Variants in MLIP observed in about 807,000 individuals in gnomAD.
MLIP encodes the protein muscular LMNA-interacting protein.
MLIP carries 79 observed loss-of-function variants against 84.8 expected under a neutral mutation model. The observed-to-expected ratio is 0.93, with a 90% CI of 0.78 to 1.12. MLIP has a LOEUF of 1.12. Ranked by LOEUF, MLIP falls within the 50% of genes most tolerant of loss-of-function variation. The pLI, the probability that MLIP is intolerant of heterozygous loss-of-function variation, is 0.00. For missense variants in MLIP, 1,257 were observed against 1,160.6 expected, an observed-to-expected ratio of 1.08 and a Z score of -1.21; for synonymous variants, 504 against 463.0, an observed-to-expected ratio of 1.09 and a Z score of -1.14.
At chr6:54,154,071 T>A (rs1226807709) in intron 5 of MLIP, among the ~76,000 whole-genome samples, 1 of 152,106 alleles carries the variant, frequency 6.6e-6, no homozygotes, top group Non-Finnish European at 1.5e-5. Flanking sequence ...TTTAAAAAAA[T>A]TATCAAATTG....
intron 1 of MLIP, chr6:54,083,718 G>T (rs535454550): frequency 1.5e-6 from 2 of 1,321,342 alleles, no homozygotes; most frequent in African/African-American, 1.5e-5. Flanking sequence ...TTCTTATTTC[G>T]TATTGCAGTA....
rs75585866 is a variant in MLIP, at chr6:54,263,269, A to T, written c.2977-2681A>T. Among the ~76,000 whole-genome samples the T allele has an allele frequency of 8.5e-3, 1,298 of 152,178 alleles. 11 individuals carry two copies. The highest frequency in any genetic ancestry group is 0.028 in the African/African-American group (1,168 of 41,542). ...CCAGATTCAACATTTTACTCTTTAGAGTCCATTGTACCTGCATCCTTTATC... is the reference window on the plus strand; with the variant it reads ...CCAGATTCAACATTTTACTCTTTAGTGTCCATTGTACCTGCATCCTTTATC... On this transcript the variant is annotated intron_variant, in intron 13 of 13. Coordinates refer to ENST00000502396, the MANE Select transcript of MLIP (RefSeq NM_001281747.2).
intron 1 of MLIP, among the ~76,000 whole-genome samples, chr6:54,032,151 T>C (rs1764176507): frequency 6.6e-6 from 1 of 152,094 alleles, no homozygotes; most frequent in Non-Finnish European, 1.5e-5. Flanking sequence ...ATTTTTTGCC[T>C]CAAGAATAAC....
rs150589669 is a variant in MLIP at position 54,056,027 on chromosome 6, C to G, written c.63+36936C>G. Among the ~76,000 whole-genome samples the G allele has an allele frequency of 4.9e-3, 748 of 152,228 alleles. 3 individuals carry two copies. The highest frequency in any genetic ancestry group is 0.01 in the Middle Eastern group (3 of 294). ...ATTTTTTTAATATTTTAAAACTTCTCTACGACAACCATATGCCACTTTTAA... is the reference window on the plus strand; with the variant it reads ...ATTTTTTTAATATTTTAAAACTTCTGTACGACAACCATATGCCACTTTTAA... On this transcript the variant is annotated intron_variant, in intron 1 of 12. Coordinates refer to the MLIP transcript ENST00000274897.
intron 1 of MLIP, among the ~76,000 whole-genome samples, chr6:54,096,529 A>G (rs1321892): frequency 0.59 from 89,045 of 151,872 alleles, 27,155 homozygotes; most frequent in South Asian, 0.72. Context: ...GGGGAAGCCC[A>G]CAGCTGGTGA....
intron 1 of MLIP, among the ~76,000 whole-genome samples, chr6:54,114,873 A>C (rs1272323619): frequency 1.3e-5 from 2 of 152,208 alleles, no homozygotes; most frequent in African/African-American, 4.8e-5. Flanking sequence ...GGAGCATAGT[A>C]GTAGGACTGA....
At chr6:54,218,037 C>T (rs1779969640) in intron 11 of MLIP, 2 of 973,306 alleles carry the variant, frequency 2.1e-6, no homozygotes, top group South Asian at 4.7e-5. Flanking sequence ...GGTCTGTGGG[C>T]CAAACCTGGC....
At chr6:54,027,910 T>C (rs1164035066) in intron 1 of MLIP, among the ~76,000 whole-genome samples, 1 of 152,206 alleles carries the variant, frequency 6.6e-6, no homozygotes, top group Non-Finnish European at 1.5e-5. Context: ...TTAACCGAGC[T>C]GTGCTTTCAC....
chr6:54,128,296 G>A (rs968122677), intron 3 of MLIP, among the ~76,000 whole-genome samples: 2 of 152,040 alleles, frequency 1.3e-5, no homozygotes, highest in African/African-American at 2.4e-5. Flanking sequence ...GGAGATATTC[G>A]TCATATAAAT....
intron 11 of MLIP, among the ~76,000 whole-genome samples, chr6:54,213,734 A>AAACCAAC (rs1554185766): frequency 1.2e-5 from 1 of 82,372 alleles, no homozygotes; most frequent in African/African-American, 4.5e-5. Flanking sequence ...AAAAAAAAAA[A>AAACCAAC]AACAACAAAC....
At position 54,081,704 on chromosome 6, in the gene MLIP, C is replaced by T. The variant is rs9474728; in HGVS notation, c.64-39743C>T. Among the ~76,000 whole-genome samples, 344 of 152,270 alleles carry T rather than the reference C, an allele frequency of 2.3e-3. 1 individual carries two copies. The highest frequency in any genetic ancestry group is 7.9e-3 in the African/African-American group (329 of 41,564). ...CTGGGATTACAGACGTGAGGCACCG[C>T]GCCCGGCCAGGGTCCATATGTTTTT... On this transcript the variant is annotated intron_variant, in intron 1 of 12. Transcript: ENST00000274897.
chr6:54,135,278 T>A (rs1771703677), intron 3 of MLIP, among the ~76,000 whole-genome samples: 1 of 152,096 alleles, frequency 6.6e-6, no homozygotes, highest in Non-Finnish European at 1.5e-5. Context: ...CTTTTAATTA[T>A]CTCTGATTTT....
rs138325650 is a variant in MLIP at position 54,189,883 on chromosome 6, C to T, written c.2558C>T (p.Ser853Leu). 2 of 1,602,844 alleles carry T rather than the reference C, an allele frequency of 1.2e-6. No homozygotes were observed. Among genetic ancestry groups the T allele is most frequent in the South Asian group, 1.1e-5 (1 of 90,594 alleles). Residue 853 changes from serine to leucine, a missense_variant, in exon 10 of 14, where the codon TCA becomes TTA. Transcript: ENST00000502396. The stretch of plus-strand genomic sequence containing the variant: ...TATGTTTTGCAGGCAAATCTCTCCT[C>T]ACCATCTTCTACAGTATCTGAGAGT... ...GRETKYANLS[S>L]PSSTVSESQL...
chr6:54,237,761 G>T (rs992378467), intron 12 of MLIP, among the ~76,000 whole-genome samples: 3 of 151,864 alleles, frequency 2.0e-5, no homozygotes, highest in Non-Finnish European at 2.9e-5. Flanking sequence ...GAGGTGGGAG[G>T]ATTGTTTGAG....
intron 12 of MLIP, among the ~76,000 whole-genome samples, chr6:54,253,644 G>A (rs1782792909): frequency 6.6e-6 from 1 of 152,010 alleles, no homozygotes; most frequent in Non-Finnish European, 1.5e-5. Flanking sequence ...TGGTGTGAGG[G>A]GATTTTATCT....
intron 1 of MLIP, among the ~76,000 whole-genome samples, chr6:54,024,297 C>A (rs1254727942): frequency 6.6e-6 from 1 of 152,224 alleles, no homozygotes; most frequent in Admixed American, 6.5e-5. Context: ...CAGGTGTGAG[C>A]CACCATGCCC....
intron 11 of MLIP, chr6:54,217,830 A>T (rs998605944): frequency 1.7e-5 from 17 of 985,068 alleles, no homozygotes; most frequent in Non-Finnish European, 1.9e-5. Flanking sequence ...CTAAAACATT[A>T]AAAGATTCAT....
chr6:54,089,523 T>C (rs1767720462), intron 1 of MLIP, among the ~76,000 whole-genome samples: 2 of 152,122 alleles, frequency 1.3e-5, no homozygotes. Context: ...TCAGGACAGT[T>C]CTATATCTGA....
At chr6:54,208,714 GGT>G (rs1491226595) in intron 11 of MLIP, among the ~76,000 whole-genome samples, 35 of 152,260 alleles carry the variant, frequency 2.3e-4, no homozygotes, top group African/African-American at 7.7e-4. Context: ...AACCACAGAT[GGT>G]AACAATCACA....
Sources: gnomAD v4.1 joint callset for allele counts (sites outside exome capture counted in the v4.1 genomes callset) on GRCh38, gnomAD v4.1.1 for gene constraint, MANE v1.5 for transcripts, NCBI Gene and HGNC (gene_info 2026-07-23, HGNC 2026-07-21) for gene names.